Variants in CACNA1D observed in about 807,000 individuals in gnomAD.
The protein encoded by CACNA1D is voltage-dependent L-type calcium channel subunit alpha-1D.
Under a neutral mutation model 257.1 loss-of-function variants are expected in CACNA1D, and 55 were observed. That is an observed-to-expected ratio of 0.21 (90% CI 0.17 to 0.27). The LOEUF is 0.27. Ranked by LOEUF, CACNA1D falls within the 10% of genes least tolerant of loss-of-function variation. The pLI is 1.00. For missense variants in CACNA1D, 1,876 were observed against 2,784.0 expected (o/e 0.67, Z 7.34); for synonymous variants, 980 against 1,014.9 (o/e 0.97, Z 0.65).
At chr3:53,758,031 C>T (rs904120145) in intron 29 of CACNA1D, among the ~76,000 whole-genome samples, 1 of 152,104 alleles carries the variant, frequency 6.6e-6, no homozygotes, top group East Asian at 1.9e-4. Flanking sequence ...GTGGTAGCTT[C>T]CTGGTGGTAG....
At chr3:53,501,799 C>T (rs1308202308) in intron 3 of CACNA1D, 79 bp downstream of exon 3, 2 of 836,380 alleles carry the variant, frequency 2.4e-6, no homozygotes, top group African/African-American at 3.3e-5. Context: ...AGCTGGCCTT[C>T]TGGGTGGTTG....
At chr3:53,782,823 C>T (rs1392650259) in intron 39 of CACNA1D, 1 of 152,236 alleles carries the variant, frequency 6.6e-6, no homozygotes, top group Non-Finnish European at 1.5e-5. Context: ...GCCCTGGCTT[C>T]CCACAGGAGA....
In CACNA1D at chr3:53,495,633, C is replaced by T. The variant is rs1454078444; in HGVS notation, c.67+400C>T. 6.6e-6 allele frequency among the ~76,000 whole-genome samples: 1 copy of T among 152,238 alleles called. No individual in the cohort carries two copies. Among genetic ancestry groups the T allele is most frequent in the African/African-American group, 2.4e-5 (1 of 41,466 alleles). On this transcript the variant is annotated intron_variant, in intron 1 of 47. Coordinates refer to ENST00000350061, the MANE Select transcript of CACNA1D (RefSeq NM_001128840.3). This position sits in a 1 kb window ranked among gnomAD's most constrained non-coding sequence, Gnocchi z 5.1. ...CTCGCCTTCCACTCCTCCCCCGCCC[C>T]CTCGTTGACTAGGAAGAAGGTCCCT...
chr3:53,779,331 AG>A (rs1324680749), intron 37 of CACNA1D, among the ~76,000 whole-genome samples: 1 of 152,108 alleles, frequency 6.6e-6, no homozygotes, highest in Admixed American at 6.5e-5. Flanking sequence ...GAGTCCCCTA[AG>A]TGGTAGGTTG....
chr3:53,712,545 T>C (rs566311139), intron 9 of CACNA1D, among the ~76,000 whole-genome samples: 3 of 152,298 alleles, frequency 2.0e-5, no homozygotes, highest in East Asian at 3.9e-4. Context: ...CATGTGCCTT[T>C]AGGGGGTGTG....
rs2093167991 is a variant in CACNA1D at position 53,583,661 on chromosome 3, T to C, written c.484-67118T>C. Among the ~76,000 whole-genome samples the C allele has an allele frequency of 2.6e-5, 4 of 152,178 alleles. No individual in the cohort carries two copies. In the South Asian group the frequency reaches 8.3e-4, roughly 31 times the overall value. On this transcript the variant is annotated intron_variant, in intron 3 of 47. Coordinates refer to ENST00000350061, the MANE Select transcript of CACNA1D (RefSeq NM_001128840.3). ...GCTGCTTCTTGGTGAATCTGCACTC[T>C]ATTTATAATCAAAAGCTCTGCCAGA...
chr3:53,779,534 G>T (rs1175680573), intron 37 of CACNA1D, among the ~76,000 whole-genome samples: 1 of 152,156 alleles, frequency 6.6e-6, no homozygotes, highest in Non-Finnish European at 1.5e-5. Flanking sequence ...TCTGCCATCT[G>T]CAAGCTGGAC....
chr3:53,766,072 G>C (rs1350670676), intron 30 of CACNA1D: 1 of 152,226 alleles, frequency 6.6e-6, no homozygotes, highest in Non-Finnish European at 1.5e-5. Flanking sequence ...TAGTGTCTGG[G>C]AGGCAAAACA....
intron 3 of CACNA1D, among the ~76,000 whole-genome samples, chr3:53,523,069 C>T (rs1177228591): frequency 6.6e-6 from 1 of 152,192 alleles, no homozygotes; most frequent in East Asian, 1.9e-4. Context: ...AGTTGGAGTA[C>T]TCTCGAGTTT....
chr3:53,682,556 TAA>T (rs56756710), intron 8 of CACNA1D, among the ~76,000 whole-genome samples: 16 of 144,112 alleles, frequency 1.1e-4, no homozygotes, highest in Non-Finnish European at 1.1e-4. Context: ...GACCCTGTCT[TAA>T]AAAAAAAAAA....
In CACNA1D at chr3:53,626,025, G is replaced by T. The variant is rs192590087; in HGVS notation, c.484-24754G>T. 1.1e-4 allele frequency among the ~76,000 whole-genome samples: 17 copies of T among 152,254 alleles called. No homozygotes were observed. In the East Asian group the frequency reaches 3.1e-3, roughly 28 times the overall value. The stretch of plus-strand genomic sequence containing the variant: ...TCTTATCTGTAGGTCTGCTGCTTTG[G>T]GTTTCTTTAGATTAGCTTAGAAGCT... On this transcript the variant is annotated intron_variant, in intron 3 of 47. Transcript: ENST00000350061.
chr3:53,515,091 G>A (rs1365947860), intron 3 of CACNA1D, among the ~76,000 whole-genome samples: 1 of 152,180 alleles, frequency 6.6e-6, no homozygotes, highest in Admixed American at 6.5e-5. Flanking sequence ...TTAATGGTCA[G>A]GATCTGATTC....
At chr3:53,561,101 A>G (rs2092730334) in intron 3 of CACNA1D, among the ~76,000 whole-genome samples, 1 of 152,174 alleles carries the variant, frequency 6.6e-6, no homozygotes, top group African/African-American at 2.4e-5. Flanking sequence ...TTTATGGATC[A>G]AGAAACTGAG....
chr3:53,709,436 C>T (rs904807144), intron 9 of CACNA1D, among the ~76,000 whole-genome samples: 13 of 152,208 alleles, frequency 8.5e-5, no homozygotes, highest in African/African-American at 3.1e-4. Flanking sequence ...ACACATGCCC[C>T]TGTGTCTGCG....
intron 3 of CACNA1D, among the ~76,000 whole-genome samples, chr3:53,622,608 G>A (rs2108048508): frequency 6.6e-6 from 1 of 152,180 alleles, no homozygotes; most frequent in East Asian, 1.9e-4. Context: ...AACACACACT[G>A]GGTCCTTTTG....
At chr3:53,697,177 A>C (rs2094580318) in intron 8 of CACNA1D, among the ~76,000 whole-genome samples, 1 of 152,230 alleles carries the variant, frequency 6.6e-6, no homozygotes, top group African/African-American at 2.4e-5. Context: ...GAACACAATA[A>C]GGGAAAATGG....
In CACNA1D at chr3:53,589,312, G is replaced by A. The variant is rs76810734; in HGVS notation, c.484-61467G>A. ...TTAGCGAGCCTGCAGGAAAAGCTGG[G>A]ATGCTGAGTATGTGTCTCGCCTGGG... On this transcript the variant is annotated intron_variant, in intron 3 of 47. Transcript: ENST00000350061. 9.9e-3 allele frequency among the ~76,000 whole-genome samples: 1,512 copies of A among 152,282 alleles called. 26 individuals are homozygous for A. Among genetic ancestry groups the A allele is most frequent in the African/African-American group, 0.035 (1,447 of 41,556 alleles).
At chr3:53,565,850 C>G (rs1328009416) in intron 3 of CACNA1D, among the ~76,000 whole-genome samples, 2 of 152,112 alleles carry the variant, frequency 1.3e-5, no homozygotes, top group Non-Finnish European at 2.9e-5. Flanking sequence ...AAATAGAATA[C>G]CCAGAGATAC....
intron 3 of CACNA1D, among the ~76,000 whole-genome samples, chr3:53,540,774 T>C (rs554302850): frequency 3.4e-4 from 51 of 152,206 alleles, no homozygotes; most frequent in African/African-American, 1.0e-3. Flanking sequence ...GGAGTTTTGC[T>C]TTTGTCACCC....
Sources: gnomAD v4.1 joint callset for allele counts (sites outside exome capture counted in the v4.1 genomes callset) on GRCh38, gnomAD v4.1.1 for gene constraint, Gnocchi (gnomAD v3.1) non-coding constraint, MANE v1.5 for transcripts, NCBI Gene and HGNC (gene_info 2026-07-23, HGNC 2026-07-21) for gene names.